ASPM: variants seen among roughly 807,000 people sequenced by gnomAD.
ASPM encodes assembly factor for spindle microtubules.
Under a neutral mutation model 366.4 loss-of-function variants are expected in ASPM, and 256 were observed. That is an observed-to-expected ratio of 0.70 (90% CI 0.63 to 0.77). ASPM has a LOEUF of 0.77. ASPM is among the 30% of genes least tolerant of loss of function. The pLI is 0.00. For synonymous variants in ASPM, 1,414 were observed against 1,342.9 expected (o/e 1.05, Z -1.16); for missense variants, 4,146 against 4,090.4 (o/e 1.01, Z -0.37).
chr1:197,091,485 A>C (rs1436721362), intron 22 of ASPM, among the ~76,000 whole-genome samples: 1 of 152,056 alleles, frequency 6.6e-6, no homozygotes, highest in Non-Finnish European at 1.5e-5. Context: ...AAGATGTTAA[A>C]AAAAAGTACA....
Position 197,104,779 on chromosome 1 carries a change from A to C in ASPM, c.4472T>G (p.Val1491Gly). The change falls in exon 18 of 28, where the codon GTT becomes GGT. Residue 1491 changes from valine to glycine, a missense_variant. Coordinates refer to ENST00000367409, the MANE Select transcript of ASPM (RefSeq NM_018136.5). ...LRKYIYIRSC[V>G]VIIQKRFRCF... ...CCGAAATCTTTTCTGAATGATAACA[A>C]CACAAGATCTAATATAAATATATTT... The C allele has an allele frequency of 6.3e-7, 1 of 1,593,344 alleles. No individual in the cohort carries two copies. The highest frequency in any genetic ancestry group is 8.5e-7 in the Non-Finnish European group (1 of 1,172,238).
rs1558319794 is a variant in ASPM, at chr1:197,084,439, A to G, written c.10332-13T>C. 1.3e-6 allele frequency: 2 copies of G among 1,586,940 alleles called. No homozygotes were observed. Among genetic ancestry groups the G allele is most frequent in the Admixed American group, 3.4e-5 (2 of 59,666 alleles). ...ATCTGGCTTAAGTCTGTTAAAAAAA[A>G]AAAAAAAGTCTGGCATTAATAAAGT... On this transcript the variant is annotated splice_polypyrimidine_tract_variant and intron_variant, in intron 27 of 27. Coordinates refer to ENST00000367409, the MANE Select transcript of ASPM (RefSeq NM_018136.5).
chr1:197,130,898 G>T (rs936056823), intron 7 of ASPM, among the ~76,000 whole-genome samples: 2 of 152,182 alleles, frequency 1.3e-5, no homozygotes, highest in Non-Finnish European at 2.9e-5. Flanking sequence ...GGGTGGAGAT[G>T]ATACAAATTA....
At position 197,135,190 on chromosome 1, in the gene ASPM, T is replaced by C. The variant is rs1289547432; in HGVS notation, c.2079A>G (p.Glu693=). 4 of 1,613,954 alleles carry C rather than the reference T, an allele frequency of 2.5e-6. 1 individual carries two copies. The South Asian group carries it at 4.4e-5, about 18-fold the overall frequency. Residue 693 remains glutamate (E), a synonymous_variant, in exon 5 of 28, where the codon GAA becomes GAG. Transcript: ENST00000367409. The part of the protein sequence containing the change: ...PFAAKNMFYD[E]RWKEKQEQGF... The stretch of plus-strand genomic sequence containing the variant: ...CCTGTTCCTGCTTTTCCTTCCAGCG[T>C]TCATCATAAAACATGTTTTTTGCAG...
chr1:197,134,613 A>T (rs890055187), intron 5 of ASPM, among the ~76,000 whole-genome samples: 1 of 152,194 alleles, frequency 6.6e-6, no homozygotes, highest in African/African-American at 2.4e-5. Context: ...AGCTGCACAA[A>T]AGTTAAGTTT....
At chr1:197,107,253 T>C (rs776466241) in intron 17 of ASPM, among the ~76,000 whole-genome samples, 8 of 152,036 alleles carry the variant, frequency 5.3e-5, no homozygotes, top group South Asian at 4.1e-4. Flanking sequence ...ACTTTAAGAA[T>C]TGAATAAGAT....
At chr1:197,139,547 A>G (rs1299651240) in intron 4 of ASPM, among the ~76,000 whole-genome samples, 1 of 152,236 alleles carries the variant, frequency 6.6e-6, no homozygotes, top group Non-Finnish European at 1.5e-5. Context: ...GAAATATACA[A>G]TAATTACTAT....
rs1229806279 is a variant in ASPM, at chr1:197,129,271, C to T, written c.2676G>A (p.Leu892=). ...LSKFTLKKLL[L]LVCFLDYAKI... is the part of the protein sequence containing the mutation. ...TAGCATAATCAAGAAAACAGACCAA[C>T]AACAATAACTTTTTCAATGTAAACT... Residue 892 remains leucine, a synonymous_variant, in exon 9 of 28, where the codon TTG becomes TTA. Coordinates refer to ENST00000367409, the MANE Select transcript of ASPM (RefSeq NM_018136.5). 1.2e-6 allele frequency: 2 copies of T among 1,612,802 alleles called. No homozygotes were observed. Among genetic ancestry groups the T allele is most frequent in the Admixed American group, 1.7e-5 (1 of 59,992 alleles).
chr1:197,111,724 C>G (rs185577882), intron 17 of ASPM, among the ~76,000 whole-genome samples: 2 of 152,014 alleles, frequency 1.3e-5, no homozygotes, highest in Admixed American at 1.3e-4. Context: ...GGTACACACA[C>G]ACTGGAGACA....
chr1:197,145,122 A>G (rs1325426552), intron 1 of ASPM, among the ~76,000 whole-genome samples: 1 of 152,184 alleles, frequency 6.6e-6, no homozygotes, highest in African/African-American at 2.4e-5. Context: ...ACACAAGTTA[A>G]GGGACCTCAG....
At chr1:197,112,962 C>A (rs936646585) in intron 17 of ASPM, among the ~76,000 whole-genome samples, 1 of 151,962 alleles carries the variant, frequency 6.6e-6, no homozygotes, top group Non-Finnish European at 1.5e-5. Flanking sequence ...TGCAAATGTA[C>A]CCCTAAACCT....
chr1:197,130,058 T>A lies in ASPM; in HGVS notation c.2488-2A>T. The A allele has an allele frequency of 6.2e-7, 1 of 1,613,456 alleles. No homozygotes were observed. Among genetic ancestry groups the A allele is most frequent in the Non-Finnish European group, 8.5e-7 (1 of 1,179,700 alleles). Reference sequence around the variant, plus strand: ...AGATATGAGTTCTCCATAAGTTGTCTGAAAATAAATTAAAGCCAAAGTCAG... The same window carrying A: ...AGATATGAGTTCTCCATAAGTTGTCAGAAAATAAATTAAAGCCAAAGTCAG... On this transcript the variant is annotated splice_acceptor_variant, in intron 7 of 27. Transcript: ENST00000367409. LOFTEE classifies it high-confidence loss of function.
At chr1:197,109,087 T>A (rs1657502405) in intron 17 of ASPM, among the ~76,000 whole-genome samples, 2 of 151,496 alleles carry the variant, frequency 1.3e-5, no homozygotes, top group African/African-American at 2.4e-5. Context: ...ATGTGCTTTA[T>A]GAATATGCAC....
rs767019617 is a variant in ASPM at position 197,146,375 on chromosome 1, G to T, written c.63C>A (p.Pro21=). The stretch of plus-strand genomic sequence containing the variant: ...CGGCCGCGGGGCCCCGCAGCCCCGC[G>T]GGCGGCCTCCGCTCGGTCGGGCTCA... ...WEVSPTERRP[P]AGLRGPAAEE... The change falls in exon 1 of 28, where the codon CCC becomes CCA. Residue 21 remains proline, a synonymous_variant. Transcript: ENST00000367409. The T allele has an allele frequency of 1.2e-6, 2 of 1,607,814 alleles. No individual in the cohort carries two copies. The highest frequency in any genetic ancestry group is 8.5e-7 in the Non-Finnish European group (1 of 1,178,454).
chr1:197,146,418 C>T lies in ASPM; in HGVS notation c.20G>A (p.Gly7Glu), dbSNP rs771193645. Reference sequence around the variant, plus strand: ...CGGGCTCACTTCCCAGCAGCCTCGCCCCACTCGCCGGTTCGCCATGGCAGA... The same window carrying T: ...CGGGCTCACTTCCCAGCAGCCTCGCTCCACTCGCCGGTTCGCCATGGCAGA... The part of the protein sequence containing the change: MANRRV[G>E]RGCWEVSPTE... The change falls in exon 1 of 28, where the codon GGG (glycine) becomes GAG (glutamate). Residue 7 changes from glycine (G) to glutamate (E), a missense_variant. Physicochemically the swap from Gly to Glu is moderately conservative, Grantham distance 98 (BLOSUM62 -2). Around this residue, in one of 3 missense-constraint regions of ASPM, gnomAD observed 512 missense variants for 471.7 expected, o/e 1.09. Coordinates refer to ENST00000367409, the MANE Select transcript of ASPM (RefSeq NM_018136.5). 1 of 1,608,954 alleles carries T rather than the reference C, an allele frequency of 6.2e-7. No individual in the cohort carries two copies. The highest frequency in any genetic ancestry group is 1.1e-5 in the South Asian group (1 of 90,986).
rs759841769 is a variant in ASPM at position 197,144,018 on chromosome 1, T to A, written c.380A>T (p.Asn127Ile). ...RVREIMTFLV[N>I]DVLKHQAILL... The stretch of plus-strand genomic sequence containing the variant: ...TATAGCTTGGTGTTTCAGAACATCA[T>A]TTACAAGAAATGTCATAATCTCTCT... The change falls in exon 2 of 28, where the codon AAT (asparagine) becomes ATT (isoleucine). Residue 127 changes from asparagine (N) to isoleucine (I), a missense_variant. Transcript: ENST00000367409. 2 of 1,610,824 alleles carry A rather than the reference T, an allele frequency of 1.2e-6. No individual in the cohort carries two copies. The highest frequency in any genetic ancestry group is 3.3e-5 in the Admixed American group (2 of 59,996).
chr1:197,144,183 T>G, intron 1 of ASPM, 83 bp from the exon 2 acceptor site: 1 of 966,706 alleles, frequency 1.0e-6, no homozygotes, highest in South Asian at 1.4e-5. Context: ...TACAATATAG[T>G]AGGGCTTAAT....
rs2125095201 is a variant in ASPM at position 197,102,978 on chromosome 1, AAG to A, written c.6271_6272del (p.Leu2091Ter). 1 of 1,612,360 alleles carries A rather than the reference AAG, an allele frequency of 6.2e-7. No homozygotes were observed. Among genetic ancestry groups the A allele is most frequent in the East Asian group, 2.2e-5 (1 of 44,792 alleles). ...KITNHQHKEY[L>X]NLKKTAIKIQ... is the part of the protein sequence containing the mutation. The stretch of plus-strand genomic sequence containing the variant: ...TTTTAATTGCTGTCTTCTTCAAATT[AAG>A]ATACTCCTTATGCTGATGGTTTGTA... On this transcript the variant is annotated frameshift_variant, in exon 18 of 28. Coordinates refer to ENST00000367409, the MANE Select transcript of ASPM (RefSeq NM_018136.5). LOFTEE classifies it high-confidence loss of function.
rs781376734 is a variant in ASPM at position 197,135,093 on chromosome 1, T to A, written c.2173+3A>T. 2 of 1,562,994 alleles carry A rather than the reference T, an allele frequency of 1.3e-6. No individual in the cohort carries two copies. The highest frequency in any genetic ancestry group is 1.8e-6 in the Non-Finnish European group (2 of 1,136,322). On this transcript the variant is annotated splice_donor_region_variant and intron_variant, in intron 5 of 27. Transcript: ENST00000367409. ...TAAATTTAAACATTAATTTAACGTT[T>A]ACCTTCAGAAATATTTGTTTTTACA...
Sources: allele counts gnomAD v4.1 joint callset (sites outside exome capture counted in the v4.1 genomes callset), GRCh38; gene constraint gnomAD v4.1.1; regional missense constraint gnomAD v4.1.1; transcripts MANE v1.5; gene names NCBI Gene and HGNC (gene_info 2026-07-23, HGNC 2026-07-21).